Variants in VPS13B observed in about 807,000 individuals in gnomAD.
VPS13B encodes the protein vacuolar protein sorting 13 homolog B.
In VPS13B, 285 loss-of-function variants were observed where a neutral mutation model predicts 426.4. The observed-to-expected ratio is 0.67, with a 90% CI of 0.61 to 0.74. The LOEUF is 0.74. VPS13B is among the 30% of genes least tolerant of loss of function. The probability of loss-of-function intolerance (pLI) is 0.00; values close to 1 mark genes in which losing one functional copy is unlikely to be tolerated. For missense variants in VPS13B, 4,537 were observed against 4,782.6 expected (o/e 0.95, Z 1.51); for synonymous variants, 1,676 against 1,676.4 (o/e 1.00, Z 0.01).
rs1817963428 is a variant in VPS13B, at chr8:99,447,194, A to T, written c.3445+4559A>T. Among the ~76,000 whole-genome samples the T allele has an allele frequency of 2.0e-5, 3 of 152,144 alleles. No individual in the cohort carries two copies. In the South Asian group the frequency reaches 6.2e-4, roughly 31 times the overall value. ...AAAGATTCCTCCTATACAGGCTTGA[A>T]TTTACTTCCAACATGTTGGTGGCAC... On this transcript the variant is annotated intron_variant, in intron 23 of 61. Coordinates refer to ENST00000357162, the MANE Select transcript of VPS13B (RefSeq NM_152564.5).
In VPS13B at chr8:99,766,834, T is replaced by C; in HGVS notation, c.7111T>C (p.Phe2371Leu). 6.2e-7 allele frequency: 1 copy of C among 1,614,020 alleles called. No individual in the cohort carries two copies. The highest frequency in any genetic ancestry group is 8.5e-7 in the Non-Finnish European group (1 of 1,179,968). The change falls in exon 40 of 62, where the codon TTT (phenylalanine) becomes CTT (leucine). Residue 2371 changes from phenylalanine to leucine, a missense_variant. Physicochemically the swap from Phe to Leu is conservative, Grantham distance 22. Transcript: ENST00000357162. Reference sequence around the variant, plus strand: ...GAAGGTTTTTGTTGCATTTAGAGAATTTAATCTGTCTGAAAGCAAAGTTTG... The same window carrying C: ...GAAGGTTTTTGTTGCATTTAGAGAACTTAATCTGTCTGAAAGCAAAGTTTG... ...LQKVFVAFRE[F>L]NLSESKVCEL...
chr8:99,228,099 A>G (rs1816113121), intron 17 of VPS13B, among the ~76,000 whole-genome samples: 1 of 152,178 alleles, frequency 6.6e-6, no homozygotes, highest in African/African-American at 2.4e-5. Context: ...TACTAGGTGG[A>G]GGAGTAATGC....
At chr8:99,866,953 T>G (rs927297944) in intron 58 of VPS13B, among the ~76,000 whole-genome samples, 5 of 152,224 alleles carry the variant, frequency 3.3e-5, no homozygotes, top group African/African-American at 1.2e-4. Flanking sequence ...CTGCTCACTC[T>G]TGGCATTTCT....
At chr8:99,056,688 C>T (rs143449492) in intron 3 of VPS13B, among the ~76,000 whole-genome samples, 1 of 152,264 alleles carries the variant, frequency 6.6e-6, no homozygotes. Flanking sequence ...TATTCCTCAT[C>T]CTCATTCCTC....
intron 33 of VPS13B, among the ~76,000 whole-genome samples, chr8:99,618,184 T>C (rs564930494): frequency 4.4e-4 from 67 of 152,084 alleles, no homozygotes; most frequent in African/African-American, 1.6e-3. Context: ...GCATGTTTCT[T>C]ATATAATAGT....
intron 21 of VPS13B, among the ~76,000 whole-genome samples, chr8:99,425,807 C>T (rs1339238063): frequency 6.6e-6 from 1 of 152,176 alleles, no homozygotes. Context: ...AAAACCCCAT[C>T]ATCTCAGCCC....
At chr8:99,872,350 T>C (rs983779770) in intron 61 of VPS13B, among the ~76,000 whole-genome samples, 1 of 152,240 alleles carries the variant, frequency 6.6e-6, no homozygotes, top group African/African-American at 2.4e-5. Context: ...CTGTGTTCTC[T>C]TTCCCACAGG....
intron 33 of VPS13B, among the ~76,000 whole-genome samples, chr8:99,622,076 T>C (rs1391020704): frequency 1.3e-5 from 2 of 152,060 alleles, no homozygotes; most frequent in African/African-American, 2.4e-5. Context: ...TTTTGTAAGA[T>C]GGTAGGATAT....
intron 3 of VPS13B, among the ~76,000 whole-genome samples, chr8:99,059,938 A>G (rs1042160329): frequency 6.6e-6 from 1 of 151,570 alleles, no homozygotes; most frequent in Non-Finnish European, 1.5e-5. Context: ...GTTTCAGCAC[A>G]TTGGCCAGGA....
intron 42 of VPS13B, among the ~76,000 whole-genome samples, chr8:99,783,239 TC>T (rs1812103745): frequency 6.6e-6 from 1 of 152,190 alleles, no homozygotes; most frequent in African/African-American, 2.4e-5. Flanking sequence ...CTCTGTTTAC[TC>T]CCCCACTTCT....
intron 17 of VPS13B, among the ~76,000 whole-genome samples, chr8:99,234,617 C>T (rs1816541320): frequency 6.6e-6 from 1 of 152,176 alleles, no homozygotes. Context: ...CGCGCAGTCC[C>T]TAGTACATTA....
At chr8:99,253,448 T>C (rs142570187) in intron 17 of VPS13B, among the ~76,000 whole-genome samples, 1 of 152,182 alleles carries the variant, frequency 6.6e-6, no homozygotes, top group Non-Finnish European at 1.5e-5. Context: ...CTAGCAGCAA[T>C]GTATGAGGGT....
At chr8:99,416,601 C>T (rs1816020998) in intron 21 of VPS13B, among the ~76,000 whole-genome samples, 1 of 152,212 alleles carries the variant, frequency 6.6e-6, no homozygotes, top group Non-Finnish European at 1.5e-5. Context: ...CTGGGAAAAG[C>T]ATAGTATCTG....
chr8:99,723,468 C>T (rs1328326786), intron 39 of VPS13B, among the ~76,000 whole-genome samples: 1 of 152,092 alleles, frequency 6.6e-6, no homozygotes, highest in East Asian at 1.9e-4. Flanking sequence ...TACGTATTTG[C>T]AAATATTCCA....
intron 58 of VPS13B, among the ~76,000 whole-genome samples, chr8:99,865,381 G>T (rs1385340231): frequency 2.0e-5 from 3 of 152,168 alleles, no homozygotes; most frequent in Non-Finnish European, 2.9e-5. Context: ...CACTTCTTTT[G>T]GGATGCTTCC....
intron 21 of VPS13B, among the ~76,000 whole-genome samples, chr8:99,399,156 T>C (rs1217045570): frequency 6.6e-6 from 1 of 152,162 alleles, no homozygotes; most frequent in Non-Finnish European, 1.5e-5. Context: ...GAAGTACATC[T>C]AAAGTAAAAT....
At chr8:99,029,925 G>A (rs556001291) in intron 2 of VPS13B, among the ~76,000 whole-genome samples, 1 of 152,140 alleles carries the variant, frequency 6.6e-6, no homozygotes, top group Non-Finnish European at 1.5e-5. Context: ...AATTTTGACA[G>A]TTTCACTATA....
At chr8:99,724,920 G>T (rs1301379261) in intron 39 of VPS13B, among the ~76,000 whole-genome samples, 1 of 152,142 alleles carries the variant, frequency 6.6e-6, no homozygotes, top group Non-Finnish European at 1.5e-5. Flanking sequence ...ATTTTGCCTT[G>T]CAGTCCCTTA....
intron 34 of VPS13B, among the ~76,000 whole-genome samples, chr8:99,656,823 A>G (rs1007840643): frequency 1.3e-5 from 2 of 152,180 alleles, no homozygotes; most frequent in Non-Finnish European, 2.9e-5. Context: ...ACCTCTATCA[A>G]TGTTAATGAC....
Sources: allele counts gnomAD v4.1 joint callset (sites outside exome capture counted in the v4.1 genomes callset), GRCh38; gene constraint gnomAD v4.1.1; transcripts MANE v1.5; gene names NCBI Gene and HGNC (gene_info 2026-07-23, HGNC 2026-07-21).